Variants in ZC3H12B observed in about 807,000 individuals in gnomAD.
ZC3H12B encodes the protein probable ribonuclease ZC3H12B.
Under a neutral mutation model 43.9 loss-of-function variants are expected in ZC3H12B, and 7 were observed. The ratio of observed to expected loss-of-function variants is 0.16; its 90% CI spans 0.09 to 0.30. The LOEUF (loss-of-function observed/expected upper bound fraction) is 0.30, where lower values mean the gene tolerates loss of function less well. ZC3H12B is among the 10% of genes least tolerant of loss of function. The pLI is 1.00. For missense variants in ZC3H12B, 475 were observed against 670.2 expected, an observed-to-expected ratio of 0.71 and a Z score of 3.22; for synonymous variants, 222 against 241.7, an observed-to-expected ratio of 0.92 and a Z score of 0.76.
chrX:65,332,714 C>A, the ZC3H12B span, among the ~76,000 whole-genome samples: 1 of 111,653 alleles, frequency 9.0e-6, no homozygotes, highest in African/African-American at 3.2e-5. Flanking sequence ...TCAAAAACAA[C>A]TGATGAGATT....
intron 3 of ZC3H12B, among the ~76,000 whole-genome samples, chrX:65,422,707 C>G: frequency 9.1e-6 from 1 of 109,641 alleles, no homozygotes; most frequent in African/African-American, 3.3e-5. Context: ...CTGACAGGCC[C>G]TGGTGTGTGA....
At chrX:65,361,390 T>G in the ZC3H12B span, among the ~76,000 whole-genome samples, 1 of 112,130 alleles carries the variant, frequency 8.9e-6, no homozygotes, top group Non-Finnish European at 1.9e-5. Context: ...TAAAAGATTT[T>G]GGGCACTCAA....
At chrX:65,115,718 A>AT in the ZC3H12B span, among the ~76,000 whole-genome samples, 6 of 110,833 alleles carry the variant, frequency 5.4e-5, no homozygotes, top group Admixed American at 9.7e-5. Context: ...GCCAGCATGT[A>AT]TTTTTTTAAT....
intron 2 of ZC3H12B, among the ~76,000 whole-genome samples, chrX:65,387,721 G>A (rs1346023797): frequency 8.9e-6 from 1 of 112,355 alleles, no homozygotes; most frequent in African/African-American, 3.2e-5. Context: ...AGTTGATGCA[G>A]TTTCTTCCTA....
chrX:65,174,918 G>GAA, the ZC3H12B span, among the ~76,000 whole-genome samples: 1 of 93,804 alleles, frequency 1.1e-5, no homozygotes, highest in African/African-American at 3.7e-5. Flanking sequence ...GCCAATGGAG[G>GAA]AAAAAAAAAC....
the ZC3H12B span, among the ~76,000 whole-genome samples, chrX:65,100,268 A>G: frequency 5.4e-5 from 6 of 110,558 alleles, no homozygotes; most frequent in Admixed American, 9.6e-5. Context: ...GATTGGGGTC[A>G]CTGAAAGTGA....
chrX:65,225,263 C>G, the ZC3H12B span, among the ~76,000 whole-genome samples: 5 of 112,421 alleles, frequency 4.4e-5, no homozygotes, highest in African/African-American at 1.6e-4. Context: ...CCCAGGCAAA[C>G]AGGGTCTGGA....
chrX:65,453,296 C>A (rs1304017128), intron 3 of ZC3H12B, among the ~76,000 whole-genome samples: 1 of 99,103 alleles, frequency 1.0e-5, no homozygotes, highest in African/African-American at 3.7e-5. Flanking sequence ...CAGTTGCACA[C>A]ACATGTTTAT....
At chrX:65,276,942 GA>G in the ZC3H12B span, among the ~76,000 whole-genome samples, 9 of 111,248 alleles carry the variant, frequency 8.1e-5, no homozygotes, top group African/African-American at 2.9e-4. Flanking sequence ...CTGAATGGAT[GA>G]AAAAACAAGA....
the ZC3H12B span, among the ~76,000 whole-genome samples, chrX:65,190,660 CTT>C: frequency 1.8e-5 from 2 of 109,663 alleles, no homozygotes; most frequent in African/African-American, 6.7e-5. Context: ...TATCCTGAGA[CTT>C]TGCTGAAGTT....
the ZC3H12B span, among the ~76,000 whole-genome samples, chrX:65,280,099 A>C: frequency 8.9e-6 from 1 of 112,295 alleles, no homozygotes; most frequent in East Asian, 2.8e-4. Flanking sequence ...GGACACAACA[A>C]AAAAGGAAAA....
the ZC3H12B span, among the ~76,000 whole-genome samples, chrX:65,323,567 C>A: frequency 8.9e-6 from 1 of 111,880 alleles, no homozygotes; most frequent in Non-Finnish European, 1.9e-5. Context: ...TATATATGTG[C>A]CACATTTTCA....
chrX:65,477,121 A>G (rs1396849961), intron 3 of ZC3H12B, among the ~76,000 whole-genome samples: 1 of 108,652 alleles, frequency 9.2e-6, no homozygotes, highest in Non-Finnish European at 1.9e-5. Context: ...GACGTGAGCC[A>G]CCATGAACTG....
At chrX:65,302,246 G>T in the ZC3H12B span, among the ~76,000 whole-genome samples, 1 of 110,404 alleles carries the variant, frequency 9.1e-6, no homozygotes, top group South Asian at 3.8e-4. Flanking sequence ...TTTTTTACAG[G>T]TGGCATAATT....
chrX:65,117,482 T>C, the ZC3H12B span, among the ~76,000 whole-genome samples: 5 of 112,129 alleles, frequency 4.5e-5, no homozygotes, highest in Admixed American at 3.8e-4. Context: ...GATGGGTAGA[T>C]TGTAAAAATT....
the ZC3H12B span, among the ~76,000 whole-genome samples, chrX:65,222,602 AAATAATAAT>A: frequency 0.029 from 2,684 of 91,110 alleles, 57 homozygotes; most frequent in African/African-American, 0.061. Context: ...AATAGCTGCA[AAATAATAAT>A]AATAATAATA....
chrX:65,054,550 G>C, the ZC3H12B span, among the ~76,000 whole-genome samples: 1 of 111,711 alleles, frequency 9.0e-6, no homozygotes, highest in Non-Finnish European at 1.9e-5. Context: ...TTTTGGCTTA[G>C]GGTTGAATTG....
chrX:65,373,973 A>ATATATATATACTATATATATATAG (rs1656334677), intron 2 of ZC3H12B, among the ~76,000 whole-genome samples: 2 of 46,264 alleles, frequency 4.3e-5, no homozygotes, highest in Admixed American at 7.1e-4. Context: ...TATATATAGT[A>ATATATATATACTATATATATATAG]TATATATATA....
intron 2 of ZC3H12B, among the ~76,000 whole-genome samples, chrX:65,387,091 G>A (rs1023324809): frequency 3.6e-5 from 4 of 111,928 alleles, no homozygotes; most frequent in African/African-American, 9.8e-5. Context: ...TGGAATAAGT[G>A]CAGTGTGGTG....
Sources: allele counts gnomAD v4.1 joint callset (sites outside exome capture counted in the v4.1 genomes callset), GRCh38; gene constraint gnomAD v4.1.1; transcripts MANE v1.5; gene names NCBI Gene and HGNC (gene_info 2026-07-23, HGNC 2026-07-21).